DAB1: variants seen among roughly 807,000 people sequenced by gnomAD.
DAB1 encodes the protein disabled homolog 1.
Under a neutral mutation model 64.6 loss-of-function variants are expected in DAB1, and 15 were observed. The ratio of observed to expected loss-of-function variants is 0.23; its 90% CI spans 0.16 to 0.36. The LOEUF (loss-of-function observed/expected upper bound fraction) is 0.36, where lower values mean the gene tolerates loss of function less well. DAB1 is among the 10% of genes least tolerant of loss of function. The pLI is 1.00. For missense variants in DAB1, 596 were observed against 706.7 expected (o/e 0.84, Z 1.78); for synonymous variants, 235 against 251.9 (o/e 0.93, Z 0.64).
intron 5 of DAB1, among the ~76,000 whole-genome samples, chr1:57,917,231 G>A (rs115122717): frequency 1.3e-5 from 2 of 152,118 alleles, no homozygotes; most frequent in African/African-American, 4.8e-5. Flanking sequence ...CAGATATAAG[G>A]GCCTAGGGCA....
chr1:58,082,098 C>T, intron 5 of DAB1, among the ~76,000 whole-genome samples: 1 of 152,318 alleles, frequency 6.6e-6, no homozygotes, highest in East Asian at 1.9e-4. Context: ...TTGCCCACAG[C>T]CAGACAGCAA....
intron 5 of DAB1, among the ~76,000 whole-genome samples, chr1:58,149,009 T>C (rs1022972396): frequency 2.0e-5 from 3 of 152,216 alleles, no homozygotes; most frequent in East Asian, 3.9e-4. Context: ...TTCTTCTTGC[T>C]GTTAAGGCCT....
intron 1 of DAB1, among the ~76,000 whole-genome samples, chr1:57,389,878 C>A (rs1456411070): frequency 6.6e-6 from 1 of 152,100 alleles, no homozygotes; most frequent in African/African-American, 2.4e-5. Context: ...TATACCTCAC[C>A]CCAGAAAACT....
chr1:57,551,018 G>C (rs1040810344), intron 7 of DAB1, among the ~76,000 whole-genome samples: 1 of 152,116 alleles, frequency 6.6e-6, no homozygotes, highest in Non-Finnish European at 1.5e-5. Flanking sequence ...ATATCTCAGG[G>C]GCTAAATGTC....
chr1:58,021,008 G>A (rs986963858), intron 5 of DAB1, among the ~76,000 whole-genome samples: 4 of 152,112 alleles, frequency 2.6e-5, no homozygotes, highest in Non-Finnish European at 5.9e-5. Flanking sequence ...GAGACCCTGC[G>A]CCCCGCACCC....
At chr1:57,025,925 G>T in intron 10 of DAB1, 56 bp downstream of exon 10, 1 of 1,389,236 alleles carries the variant, frequency 7.2e-7, no homozygotes, top group Non-Finnish European at 9.8e-7. Flanking sequence ...GCCACTGAGG[G>T]GATGTGTAAA....
At chr1:57,468,041 G>A (rs542170513) in intron 7 of DAB1, among the ~76,000 whole-genome samples, 16 of 152,236 alleles carry the variant, frequency 1.1e-4, no homozygotes, top group Admixed American at 8.5e-4. Flanking sequence ...GTCTCCCCTG[G>A]CCCCATGCCC....
At chr1:57,561,976 C>T (rs1645057969) in intron 7 of DAB1, among the ~76,000 whole-genome samples, 1 of 152,250 alleles carries the variant, frequency 6.6e-6, no homozygotes, top group African/African-American at 2.4e-5. Context: ...ACATGCAATG[C>T]TTCTGCCAAA....
chr1:58,324,287 G>C (rs1662770028), intron 4 of DAB1, among the ~76,000 whole-genome samples: 1 of 152,178 alleles, frequency 6.6e-6, no homozygotes, highest in East Asian at 1.9e-4. Context: ...CTGAGTTATT[G>C]TCCAAATCAG....
At chr1:57,445,411 T>C (rs904580818) in intron 7 of DAB1, among the ~76,000 whole-genome samples, 1 of 152,166 alleles carries the variant, frequency 6.6e-6, no homozygotes, top group African/African-American at 2.4e-5. Context: ...TTTACTTATA[T>C]AGTTCCCATA....
At chr1:58,214,522 T>C (rs1286308101) in intron 4 of DAB1, among the ~76,000 whole-genome samples, 3 of 152,114 alleles carry the variant, frequency 2.0e-5, no homozygotes, top group East Asian at 1.9e-4. Context: ...TGGTCCCCTA[T>C]ATAAAATTGT....
chr1:57,570,622 T>A (rs1645183260), intron 7 of DAB1, among the ~76,000 whole-genome samples: 1 of 152,184 alleles, frequency 6.6e-6, no homozygotes, highest in Admixed American at 6.5e-5. Context: ...CCTCCAGAGT[T>A]GTTCTTTTTG....
intron 7 of DAB1, among the ~76,000 whole-genome samples, chr1:57,592,065 A>C (rs1645451939): frequency 6.6e-6 from 1 of 152,210 alleles, no homozygotes; most frequent in African/African-American, 2.4e-5. Context: ...GATACTGTGA[A>C]ATCCCTTTAG....
chr1:57,032,664 T>A (rs959140166), intron 9 of DAB1, among the ~76,000 whole-genome samples: 1 of 152,144 alleles, frequency 6.6e-6, no homozygotes, highest in Non-Finnish European at 1.5e-5. Flanking sequence ...CCCTAAAGAT[T>A]CAGAATTAAT....
intron 1 of DAB1, among the ~76,000 whole-genome samples, chr1:58,543,814 A>G (rs1646659413): frequency 6.6e-6 from 1 of 152,222 alleles, no homozygotes; most frequent in Non-Finnish European, 1.5e-5. Flanking sequence ...TCAAACGTCT[A>G]AAGAAGCACC....
chr1:57,480,225 G>C (rs924630947), intron 7 of DAB1, among the ~76,000 whole-genome samples: 2 of 151,896 alleles, frequency 1.3e-5, no homozygotes, highest in Non-Finnish European at 2.9e-5. Context: ...AAATCATATG[G>C]TGTCCTTTCT....
At chr1:57,871,376 G>A (rs914895894) in intron 1 of DAB1, among the ~76,000 whole-genome samples, 19 of 152,120 alleles carry the variant, frequency 1.2e-4, no homozygotes, top group African/African-American at 4.3e-4. Flanking sequence ...TGAGATAAAT[G>A]TTATTACTAC....
chr1:57,797,941 G>A (rs1432958522), intron 6 of DAB1, among the ~76,000 whole-genome samples: 5 of 152,310 alleles, frequency 3.3e-5, no homozygotes, highest in South Asian at 2.1e-4. Flanking sequence ...TACCGTCATC[G>A]TTTATTATGT....
intron 5 of DAB1, among the ~76,000 whole-genome samples, chr1:58,012,897 G>A (rs144452930): frequency 1.3e-5 from 2 of 152,266 alleles, no homozygotes; most frequent in African/African-American, 4.8e-5. Flanking sequence ...TGTGTGGCAG[G>A]CTGTGGAAAA....
Sources: allele counts gnomAD v4.1 joint callset (sites outside exome capture counted in the v4.1 genomes callset), GRCh38; gene constraint gnomAD v4.1.1; transcripts MANE v1.5; gene names NCBI Gene and HGNC (gene_info 2026-07-23, HGNC 2026-07-21).